The following RPTOR variants were observed in gnomAD, a reference collection of about 807,000 sequenced individuals.
RPTOR encodes the protein regulatory associated protein of MTOR complex 1.
RPTOR carries 21 observed loss-of-function variants against 169.9 expected under a neutral mutation model. The observed-to-expected ratio is 0.12, with a 90% CI of 0.09 to 0.18. The LOEUF (loss-of-function observed/expected upper bound fraction) is 0.18, where lower values mean the gene tolerates loss of function less well. Among genes scored for constraint, RPTOR ranks in the 10% least tolerant of loss-of-function variants. The probability of loss-of-function intolerance (pLI) is 1.00; values close to 1 mark genes in which losing one functional copy is unlikely to be tolerated. For synonymous variants in RPTOR, 732 were observed against 753.2 expected, an observed-to-expected ratio of 0.97 and a Z score of 0.46; for missense variants, 1,133 against 1,855.9, an observed-to-expected ratio of 0.61 and a Z score of 7.16.
At position 80,966,117 on chromosome 17, in the gene RPTOR, A is replaced by ACCCCCCCCCCCCCCCC. The variant is rs55752459; in HGVS notation, c.*1796_*1797insCCCCCCCCCCCCCCCC. 14 of 181,562 alleles carry ACCCCCCCCCCCCCCCC rather than the reference A, an allele frequency of 7.7e-5. No individual in the cohort carries two copies. Among genetic ancestry groups the ACCCCCCCCCCCCCCCC allele is most frequent in the East Asian group, 1.5e-4 (2 of 13,648 alleles). The allele number at this position is 181,562 out of a possible 1,614,324, so 11.2% of individuals were successfully genotyped here. ...GGCAGGTGGCTCCAGAGGGGTCAAG[A>ACCCCCCCCCCCCCCCC]CCCCCCCCCGCCCCCGCTCCACCCT... On this transcript the variant is annotated 3_prime_UTR_variant, in exon 34 of 34. Coordinates refer to ENST00000306801, the MANE Select transcript of RPTOR (RefSeq NM_020761.3).
intron 11 of RPTOR, among the ~76,000 whole-genome samples, chr17:80,851,624 A>G (rs946947329): frequency 4.6e-5 from 7 of 152,268 alleles, no homozygotes; most frequent in Non-Finnish European, 1.0e-4. Context: ...ACTCCCAGGC[A>G]GGTGGGCCCC....
At chr17:80,667,960 C>T (rs142314765) in intron 3 of RPTOR, among the ~76,000 whole-genome samples, 4 of 152,272 alleles carry the variant, frequency 2.6e-5, no homozygotes, top group African/African-American at 9.6e-5. Context: ...AACAAAAATG[C>T]CGTGGGCAGA....
chr17:80,617,905 T>C (rs1002272904), intron 1 of RPTOR, among the ~76,000 whole-genome samples: 1 of 152,210 alleles, frequency 6.6e-6, no homozygotes, highest in Non-Finnish European at 1.5e-5. Flanking sequence ...GCTGACCATT[T>C]GTTTTTGGAG....
At chr17:80,843,587 AG>A (rs1215719669) in intron 10 of RPTOR, among the ~76,000 whole-genome samples, 1 of 152,006 alleles carries the variant, frequency 6.6e-6, no homozygotes, top group Non-Finnish European at 1.5e-5. Context: ...AGAGCCGTAC[AG>A]GGGGGTAGAA....
intron 3 of RPTOR, among the ~76,000 whole-genome samples, chr17:80,671,019 C>T (rs1422460132): frequency 6.6e-6 from 1 of 152,216 alleles, no homozygotes; most frequent in East Asian, 1.9e-4. Context: ...GCCCCTAAAG[C>T]ACCTGGCCCT....
chr17:80,778,974 A>T (rs2066914981), intron 6 of RPTOR, among the ~76,000 whole-genome samples: 1 of 152,220 alleles, frequency 6.6e-6, no homozygotes, highest in South Asian at 2.1e-4. Flanking sequence ...TGGACTGGAC[A>T]TCGCCAGGTG....
chr17:80,754,646 C>T lies in RPTOR; in HGVS notation c.830+461C>T, dbSNP rs559632453. Among the ~76,000 whole-genome samples the T allele has an allele frequency of 3.3e-5, 5 of 152,150 alleles. No homozygotes were observed. Among genetic ancestry groups the T allele is most frequent in the African/African-American group, 1.2e-4 (5 of 41,512 alleles). On this transcript the variant is annotated intron_variant, in intron 6 of 33. Transcript: ENST00000306801. The surrounding 1 kb of genome is among the most constrained non-coding windows in gnomAD (Gnocchi z 4.2). ...GTCTCCATCCTTTTTAAGTTATAGC[C>T]GTCGGGAACATAACTGAAGAAATGT...
At chr17:80,678,850 A>G (rs1181802653) in intron 3 of RPTOR, among the ~76,000 whole-genome samples, 1 of 152,090 alleles carries the variant, frequency 6.6e-6, no homozygotes, top group African/African-American at 2.4e-5. Context: ...CCCTCCAGAG[A>G]TGCTCTCTGT....
chr17:80,661,002 G>A (rs575536961), intron 3 of RPTOR, among the ~76,000 whole-genome samples: 10 of 152,264 alleles, frequency 6.6e-5, no homozygotes, highest in African/African-American at 2.2e-4. Flanking sequence ...CCTCTGCTGC[G>A]TTTCCTTCTC....
intron 9 of RPTOR, 129 bp from the exon 10 acceptor site, chr17:80,837,793 C>G (rs2067581172): frequency 1.2e-6 from 1 of 818,728 alleles, no homozygotes; most frequent in Non-Finnish European, 2.1e-6. Flanking sequence ...ATGCCCCCCA[C>G]CAGCTGCCGT....
intron 5 of RPTOR, among the ~76,000 whole-genome samples, chr17:80,743,800 C>CTCTCCTGGTTACTAGCAG (rs2066516190): frequency 2.3e-4 from 19 of 81,724 alleles, no homozygotes; most frequent in South Asian, 8.7e-4. Flanking sequence ...GCTACTAGCA[C>CTCTCCTGGTTACTAGCAG]AGCCCTGGCT....
chr17:80,739,538 G>A (rs1187360442), intron 5 of RPTOR, among the ~76,000 whole-genome samples: 3 of 152,136 alleles, frequency 2.0e-5, no homozygotes, highest in Non-Finnish European at 4.4e-5. Flanking sequence ...CTTTTCCAGC[G>A]TCCATGCGGC....
intron 5 of RPTOR, among the ~76,000 whole-genome samples, chr17:80,745,303 T>C (rs1458798227): frequency 7.9e-5 from 12 of 152,212 alleles, no homozygotes; most frequent in Non-Finnish European, 5.9e-5. Context: ...GAACTCGGGG[T>C]AACTGTGACA....
chr17:80,951,363 C>T (rs1009243335), intron 28 of RPTOR, among the ~76,000 whole-genome samples: 14 of 152,230 alleles, frequency 9.2e-5, no homozygotes, highest in Admixed American at 7.2e-4. Context: ...ACGAGAAAAG[C>T]GGCCTTCTCG....
chr17:80,903,316 C>G (rs1363476533), intron 20 of RPTOR, among the ~76,000 whole-genome samples: 1 of 152,188 alleles, frequency 6.6e-6, no homozygotes, highest in African/African-American at 2.4e-5. Flanking sequence ...CCTGACCCCT[C>G]TACTTCGTTC....
At position 80,845,519 on chromosome 17, in the gene RPTOR, C is replaced by A. The variant is rs1276919605; in HGVS notation, c.1213-954C>A. Reference sequence around the variant, plus strand: ...GCATCTGGGCCCCCTTGCTTTGCCGCCTGCCTGGTTCCCCTGGGGAGCAGC... The same window carrying A: ...GCATCTGGGCCCCCTTGCTTTGCCGACTGCCTGGTTCCCCTGGGGAGCAGC... On this transcript the variant is annotated intron_variant, in intron 10 of 33. Coordinates refer to ENST00000306801, the MANE Select transcript of RPTOR (RefSeq NM_020761.3). This position sits in a 1 kb window ranked among gnomAD's most constrained non-coding sequence, Gnocchi z 5.4. 6.6e-6 allele frequency among the ~76,000 whole-genome samples: 1 copy of A among 151,942 alleles called. No homozygotes were observed. The highest frequency in any genetic ancestry group is 2.4e-5 in the African/African-American group (1 of 41,344).
chr17:80,850,560 C>T (rs1174468866), intron 11 of RPTOR, among the ~76,000 whole-genome samples: 1 of 152,186 alleles, frequency 6.6e-6, no homozygotes, highest in Admixed American at 6.5e-5. Context: ...CAGGTGTGCA[C>T]CACCGCACCT....
intron 24 of RPTOR, among the ~76,000 whole-genome samples, chr17:80,935,295 G>A (rs2068942194): frequency 6.6e-6 from 1 of 152,094 alleles, no homozygotes. Context: ...TTGATACATA[G>A]ATCAATGCAA....
chr17:80,690,805 T>C (rs988259602), intron 3 of RPTOR, among the ~76,000 whole-genome samples: 3 of 152,144 alleles, frequency 2.0e-5, no homozygotes, highest in Non-Finnish European at 2.9e-5. Flanking sequence ...TTTCATTCCT[T>C]TTTTTGCAAC....
Sources: gnomAD v4.1 joint callset for allele counts (sites outside exome capture counted in the v4.1 genomes callset) on GRCh38, gnomAD v4.1.1 for gene constraint, Gnocchi (gnomAD v3.1) non-coding constraint, MANE v1.5 for transcripts, NCBI Gene and HGNC (gene_info 2026-07-23, HGNC 2026-07-21) for gene names.